Variants in SLC9A1 observed in about 807,000 individuals in gnomAD.
SLC9A1 encodes sodium/hydrogen exchanger 1.
Under a neutral mutation model 67.9 loss-of-function variants are expected in SLC9A1, and 22 were observed. The observed-to-expected ratio is 0.32, with a 90% CI of 0.23 to 0.46. SLC9A1 has a LOEUF of 0.46. SLC9A1 is among the 20% of genes least tolerant of loss of function. SLC9A1 has a pLI of 1.00. For missense variants in SLC9A1, 686 were observed against 1,094.8 expected, an observed-to-expected ratio of 0.63 and a Z score of 5.27; for synonymous variants, 421 against 471.8, an observed-to-expected ratio of 0.89 and a Z score of 1.40.
chr1:27,107,459 G>T, intron 4 of SLC9A1, among the ~76,000 whole-genome samples, 189 bp downstream of exon 4: 1 of 122,216 alleles, frequency 8.2e-6, no homozygotes, highest in South Asian at 2.7e-4. Flanking sequence ...CACGCAATAC[G>T]CATACACACA....
intron 1 of SLC9A1, among the ~76,000 whole-genome samples, chr1:27,123,242 C>T (rs986268464): frequency 1.4e-4 from 22 of 152,092 alleles, no homozygotes; most frequent in Non-Finnish European, 2.8e-4. Flanking sequence ...GGAAAATCAT[C>T]TCACAGTGAT....
rs1409342274 is a variant in SLC9A1, at chr1:27,137,815, C to T, written c.352+16168G>A. 2.0e-5 allele frequency among the ~76,000 whole-genome samples: 3 copies of T among 152,188 alleles called. No individual in the cohort carries two copies. Among genetic ancestry groups the T allele is most frequent in the Non-Finnish European group, 4.4e-5 (3 of 68,020 alleles). On this transcript the variant is annotated intron_variant, in intron 1 of 11. Coordinates refer to ENST00000263980, the MANE Select transcript of SLC9A1 (RefSeq NM_003047.5). The surrounding 1 kb of genome is among the most constrained non-coding windows in gnomAD (Gnocchi z 4.6). The stretch of plus-strand genomic sequence containing the variant: ...GGTGGCCAGCAGGAGTCCAGCAGAG[C>T]CTGGTGCCCACTCAGCCCCTCCCTC...
intron 1 of SLC9A1, among the ~76,000 whole-genome samples, chr1:27,131,437 TACAAAAAA>T (rs2083383460): frequency 1.6e-4 from 1 of 6,144 alleles, no homozygotes; most frequent in African/African-American, 6.8e-4. Context: ...CTACTAAAAA[TACAAAAAA>T]AAAAAAAAAA....
At chr1:27,108,010 C>T in intron 3 of SLC9A1, 145 bp from the exon 4 acceptor site, 3 of 629,650 alleles carry the variant, frequency 4.8e-6, no homozygotes, top group Non-Finnish European at 2.8e-6. Context: ...GTGCTTTACA[C>T]CCTCTTGCCA....
At chr1:27,141,956 G>A (rs546331374) in intron 1 of SLC9A1, among the ~76,000 whole-genome samples, 60 of 152,306 alleles carry the variant, frequency 3.9e-4, no homozygotes, top group African/African-American at 1.3e-3. Context: ...TGGACTACAC[G>A]ACCTGAGGGA....
In SLC9A1 at chr1:27,109,603, C is replaced by T. The variant is rs760360731; in HGVS notation, c.988G>A (p.Glu330Lys). 3 of 1,613,760 alleles carry T rather than the reference C, an allele frequency of 1.9e-6. No homozygotes were observed. Among genetic ancestry groups the T allele is most frequent in the Admixed American group, 1.7e-5 (1 of 60,002 alleles). The change falls in exon 3 of 12, where the codon GAG becomes AAG. Residue 330 changes from glutamate (E) to lysine (K), a missense_variant. By Grantham distance (56) the Glu-to-Lys change is moderately conservative (BLOSUM62 1). Transcript: ENST00000263980. This position sits in a 1 kb window ranked among gnomAD's most constrained non-coding sequence, Gnocchi z 5.5. The part of the protein sequence containing the change: ...SRFTSHIRVI[E>K]PLFVFLYSYM... ...CTGTAGAGGAAGACGAAGAGCGGCT[C>T]GATGACCCGGATGTGGGAGGTAAAT...
intron 1 of SLC9A1, among the ~76,000 whole-genome samples, chr1:27,130,414 C>G (rs752183135): frequency 6.6e-6 from 1 of 152,124 alleles, no homozygotes; most frequent in Non-Finnish European, 1.5e-5. Flanking sequence ...AACTGCTGGT[C>G]TTTCTAAGAT....
Position 27,151,481 on chromosome 1 carries a change from C to T in SLC9A1, c.352+2502G>A, listed in dbSNP as rs892082479. ...GTTCAAGCGATCCTCCTGCCTTGGC[C>T]TCCAGAGTAGCTGGGATTACAGGCA... On this transcript the variant is annotated intron_variant, in intron 1 of 11. Coordinates refer to ENST00000263980, the MANE Select transcript of SLC9A1 (RefSeq NM_003047.5). Among the ~76,000 whole-genome samples, 4 of 152,252 alleles carry T rather than the reference C, an allele frequency of 2.6e-5. No individual in the cohort carries two copies. In the East Asian group the frequency reaches 7.7e-4, roughly 29 times the overall value.
At chr1:27,105,659 T>C (rs1481347874) in intron 5 of SLC9A1, 1 of 705,594 alleles carries the variant, frequency 1.4e-6, no homozygotes, top group Admixed American at 2.0e-5. Context: ...TTCTGGTTCC[T>C]TTACATTCTG....
At chr1:27,146,057 CA>C (rs933558492) in intron 1 of SLC9A1, among the ~76,000 whole-genome samples, 1 of 152,188 alleles carries the variant, frequency 6.6e-6, no homozygotes, top group African/African-American at 2.4e-5. Flanking sequence ...TGTGTGCAGA[CA>C]ACCTTGGGGA....
Position 27,100,345 on chromosome 1 carries a change from G to A in SLC9A1, c.2410C>T (p.Pro804Ser), listed in dbSNP as rs752973182. Residue 804 changes from proline to serine, a missense_variant, in exon 12 of 12, where the codon CCT becomes TCT. By Grantham distance (74) the Pro-to-Ser change is moderately conservative. Coordinates refer to ENST00000263980, the MANE Select transcript of SLC9A1 (RefSeq NM_003047.5). The surrounding 1 kb of genome is among the most constrained non-coding windows in gnomAD (Gnocchi z 5.6). ...GGGAAGAACGGTTCTCCCTCCCCAG[G>A]CTCAGGGTGTGGGCCTGGGTCACTG... ...CLSDPGPHPE[P>S]GEGEPFFPKG... 14 of 1,546,724 alleles carry A rather than the reference G, an allele frequency of 9.1e-6. No homozygotes were observed. Among genetic ancestry groups the A allele is most frequent in the Non-Finnish European group, 1.1e-5 (13 of 1,146,256 alleles).
Position 27,137,206 on chromosome 1 carries a change from G to A in SLC9A1, c.352+16777C>T, listed in dbSNP as rs2083425629. On this transcript the variant is annotated intron_variant, in intron 1 of 11. Transcript: ENST00000263980. This position sits in a 1 kb window ranked among gnomAD's most constrained non-coding sequence, Gnocchi z 4.6. ...GTCTGCTGCATGGTAGGTGCTCAGA[G>A]GCAGGCTGAAAAGAAAGTGGGACAG... Among the ~76,000 whole-genome samples the A allele has an allele frequency of 6.6e-6, 1 of 152,266 alleles. No homozygotes were observed. The highest frequency in any genetic ancestry group is 2.1e-4 in the South Asian group (1 of 4,834).
chr1:27,121,046 T>C (rs1444137943), intron 1 of SLC9A1, among the ~76,000 whole-genome samples: 1 of 152,174 alleles, frequency 6.6e-6, no homozygotes. Context: ...GCAATAAATA[T>C]GCCTCCCCCA....
At chr1:27,146,640 G>A (rs975151209) in intron 1 of SLC9A1, among the ~76,000 whole-genome samples, 2 of 152,148 alleles carry the variant, frequency 1.3e-5, no homozygotes, top group African/African-American at 4.8e-5. Flanking sequence ...TTAGCTGGAT[G>A]TGGTGACCTG....
chr1:27,105,596 C>A, intron 5 of SLC9A1: 1 of 654,404 alleles, frequency 1.5e-6, no homozygotes, highest in Non-Finnish European at 2.8e-6. Context: ...CCGTGCCCGG[C>A]CAGTACCCAC....
At chr1:27,153,281 C>A (rs978721262) in intron 1 of SLC9A1, among the ~76,000 whole-genome samples, 1 of 152,102 alleles carries the variant, frequency 6.6e-6, no homozygotes, top group Non-Finnish European at 1.5e-5. Context: ...CTCTACTCTC[C>A]CTCCACTTCC....
At chr1:27,104,748 T>TC (rs2083172813) in intron 5 of SLC9A1, among the ~76,000 whole-genome samples, 1 of 152,112 alleles carries the variant, frequency 6.6e-6, no homozygotes, top group Non-Finnish European at 1.5e-5. Context: ...TATTTTTTTT[T>TC]CTCAAGAGAA....
chr1:27,152,775 T>A (rs1159051835), intron 1 of SLC9A1, among the ~76,000 whole-genome samples: 8 of 152,028 alleles, frequency 5.3e-5, no homozygotes, highest in Non-Finnish European at 1.0e-4. Flanking sequence ...ACCACTTCCC[T>A]CCCGCTGCAT....
intron 1 of SLC9A1, among the ~76,000 whole-genome samples, chr1:27,138,773 A>C (rs2083435881): frequency 6.6e-6 from 1 of 152,124 alleles, no homozygotes; most frequent in South Asian, 2.1e-4. Context: ...TGGGGCATGA[A>C]GTGGAGAAAG....
Sources: allele counts gnomAD v4.1 joint callset (sites outside exome capture counted in the v4.1 genomes callset), GRCh38; gene constraint gnomAD v4.1.1; non-coding constraint Gnocchi (gnomAD v3.1); transcripts MANE v1.5; gene names NCBI Gene and HGNC (gene_info 2026-07-23, HGNC 2026-07-21).